COL22A1: variants seen among roughly 807,000 people sequenced by gnomAD.
COL22A1 encodes the protein collagen alpha-1(XXII) chain.
COL22A1 carries 221 observed loss-of-function variants against 248.9 expected under a neutral mutation model. The ratio of observed to expected loss-of-function variants is 0.89; its 90% CI spans 0.80 to 0.99. The LOEUF is 0.99. Among genes scored for constraint, COL22A1 ranks in the 50% least tolerant of loss-of-function variants. COL22A1 has a pLI of 0.00. For synonymous variants in COL22A1, 891 were observed against 793.4 expected (o/e 1.12, Z -2.07); for missense variants, 2,240 against 2,179.0 (o/e 1.03, Z -0.56).
At chr8:138,624,616 T>C (rs1820093397) in intron 51 of COL22A1, among the ~76,000 whole-genome samples, 1 of 152,246 alleles carries the variant, frequency 6.6e-6, no homozygotes, top group Non-Finnish European at 1.5e-5. Context: ...AAATTTCTTC[T>C]CCTTAGCTTT....
At chr8:138,773,441 A>G in intron 16 of COL22A1, among the ~76,000 whole-genome samples, 1 of 152,102 alleles carries the variant, frequency 6.6e-6, no homozygotes, top group South Asian at 2.1e-4. Flanking sequence ...TGTCCTTTGG[A>G]GTGGGGGGTC....
intron 56 of COL22A1, among the ~76,000 whole-genome samples, chr8:138,609,249 C>G (rs987389969): frequency 6.6e-6 from 1 of 152,336 alleles, no homozygotes; most frequent in East Asian, 1.9e-4. Context: ...AAATGCTAAG[C>G]CACCTGCCTG....
intron 31 of COL22A1, among the ~76,000 whole-genome samples, chr8:138,701,818 C>T (rs1166188088): frequency 6.6e-6 from 1 of 152,224 alleles, no homozygotes; most frequent in South Asian, 2.1e-4. Flanking sequence ...GTGTTCTTAT[C>T]TTTCAATATG....
At chr8:138,756,318 C>T (rs985664055) in intron 18 of COL22A1, among the ~76,000 whole-genome samples, 2 of 152,132 alleles carry the variant, frequency 1.3e-5, no homozygotes, top group Non-Finnish European at 2.9e-5. Flanking sequence ...TGCTTCTCAT[C>T]CATTTTCATT....
intron 10 of COL22A1, among the ~76,000 whole-genome samples, chr8:138,807,362 T>C (rs1817817016): frequency 6.6e-6 from 1 of 152,200 alleles, no homozygotes; most frequent in African/African-American, 2.4e-5. Context: ...TTGGTGCAAT[T>C]AGTGAATTTG....
At chr8:138,862,488 C>T (rs1279265698) in intron 3 of COL22A1, among the ~76,000 whole-genome samples, 1 of 152,028 alleles carries the variant, frequency 6.6e-6, no homozygotes. Context: ...TGGCTGTGTC[C>T]TCAGAAGGGT....
In COL22A1 at chr8:138,791,024, C is replaced by T. The variant is rs557638442; in HGVS notation, c.1596+5795G>A. On this transcript the variant is annotated intron_variant, in intron 12 of 64. Transcript: ENST00000303045. ...ATAAACTATTTTGTCCTCCTATATC[C>T]TTTTACAATGAAATCAATCCCATGA... Among the ~76,000 whole-genome samples, 4 of 152,272 alleles carry T rather than the reference C, an allele frequency of 2.6e-5. No homozygotes were observed. The South Asian group carries it at 6.2e-4, about 24-fold the overall frequency.
At chr8:138,595,051 G>A (rs1308803398) in intron 62 of COL22A1, among the ~76,000 whole-genome samples, 1 of 152,092 alleles carries the variant, frequency 6.6e-6, no homozygotes, top group Non-Finnish European at 1.5e-5. Context: ...TGCAGTCATA[G>A]GTAATCAGAC....
chr8:138,780,842 C>A (rs1814902958), intron 13 of COL22A1, 85 bp downstream of exon 13: 4 of 1,166,522 alleles, frequency 3.4e-6, no homozygotes, highest in East Asian at 4.7e-5. Flanking sequence ...GGCAATGCCA[C>A]CCCACTTAAG....
intron 23 of COL22A1, among the ~76,000 whole-genome samples, chr8:138,732,026 A>C (rs187812400): frequency 6.6e-6 from 1 of 152,330 alleles, no homozygotes; most frequent in Non-Finnish European, 1.5e-5. Context: ...TGAAACCAGA[A>C]GACTAATTGC....
intron 45 of COL22A1, among the ~76,000 whole-genome samples, chr8:138,652,735 G>GTTTTTTCTTTTTTTTTTTTTTTT (rs1822858791): frequency 1.8e-5 from 1 of 54,244 alleles, no homozygotes; most frequent in Non-Finnish European, 3.5e-5. Flanking sequence ...TCCTTTTCTG[G>GTTTTTTCTTTTTTTTTTTTTTTT]TTTTTTTTTT....
At chr8:138,769,783 A>G (rs1211299032) in intron 16 of COL22A1, among the ~76,000 whole-genome samples, 1 of 152,180 alleles carries the variant, frequency 6.6e-6, no homozygotes, top group Admixed American at 6.5e-5. Context: ...ACCCCTCAAA[A>G]GCAACACAAA....
At chr8:138,706,675 A>G (rs931545513) in intron 30 of COL22A1, among the ~76,000 whole-genome samples, 23 of 152,252 alleles carry the variant, frequency 1.5e-4, no homozygotes, top group Non-Finnish European at 2.8e-4. Flanking sequence ...AATGCCCACA[A>G]GAGAAAGCAG....
At chr8:138,881,235 C>T (rs762617688) in intron 2 of COL22A1, among the ~76,000 whole-genome samples, 18 of 145,368 alleles carry the variant, frequency 1.2e-4, no homozygotes, top group African/African-American at 1.8e-4. Context: ...ATGTTCCCTG[C>T]GTATAAAACA....
intron 48 of COL22A1, among the ~76,000 whole-genome samples, chr8:138,635,685 C>T (rs1482304486): frequency 6.6e-6 from 1 of 152,100 alleles, no homozygotes; most frequent in Non-Finnish European, 1.5e-5. Flanking sequence ...AAATAAACCA[C>T]CAAGAAACAA....
intron 35 of COL22A1, among the ~76,000 whole-genome samples, chr8:138,691,465 G>T (rs770612646): frequency 4.6e-5 from 7 of 151,814 alleles, no homozygotes; most frequent in Non-Finnish European, 8.8e-5. Flanking sequence ...GTACGTCCGT[G>T]TGTGCATGTT....
At chr8:138,880,619 A>G (rs553007192) in intron 2 of COL22A1, among the ~76,000 whole-genome samples, 33 of 152,294 alleles carry the variant, frequency 2.2e-4, no homozygotes, top group African/African-American at 7.9e-4. Flanking sequence ...AATCCAAGGG[A>G]CAATCTGCAT....
At chr8:138,717,315 T>C (rs1829520088) in intron 27 of COL22A1, among the ~76,000 whole-genome samples, 1 of 151,830 alleles carries the variant, frequency 6.6e-6, no homozygotes, top group Non-Finnish European at 1.5e-5. Context: ...GCCCAGCTAA[T>C]TTTTTGTATT....
In COL22A1 at chr8:138,631,339, G is replaced by T. The variant is rs1351508573; in HGVS notation, c.3610-591C>A. Among the ~76,000 whole-genome samples the T allele has an allele frequency of 2.6e-5, 4 of 152,082 alleles. No homozygotes were observed. In the East Asian group the frequency reaches 7.7e-4, roughly 29 times the overall value. On this transcript the variant is annotated intron_variant, in intron 49 of 64. Coordinates refer to ENST00000303045, the MANE Select transcript of COL22A1 (RefSeq NM_152888.3). ...TTCATCAGGCTGAGCTATTCTCTGG[G>T]AATACATGATGTTCAGAGAATAGCA...
Sources: gnomAD v4.1 joint callset for allele counts (sites outside exome capture counted in the v4.1 genomes callset) on GRCh38, gnomAD v4.1.1 for gene constraint, MANE v1.5 for transcripts, NCBI Gene and HGNC (gene_info 2026-07-23, HGNC 2026-07-21) for gene names.